Variants in DCBLD2 observed in about 807,000 individuals in gnomAD.
DCBLD2 encodes discoidin, CUB and LCCL domain-containing protein 2.
In DCBLD2, 54 loss-of-function variants were observed where a neutral mutation model predicts 86.8. The observed-to-expected ratio is 0.62, with a 90% confidence interval of 0.50 to 0.78. The LOEUF is 0.78. Among genes scored for constraint, DCBLD2 ranks in the 30% least tolerant of loss-of-function variants. The pLI, the probability that DCBLD2 is intolerant of heterozygous loss-of-function variation, is 0.00. For synonymous variants in DCBLD2, 354 were observed against 341.3 expected (o/e 1.04, Z -0.41); for missense variants, 908 against 954.2 (o/e 0.95, Z 0.64).
chr3:98,881,683 G>A lies in DCBLD2; in HGVS notation c.290C>T (p.Thr97Ile). 1 of 1,613,884 alleles carries A rather than the reference G, an allele frequency of 6.2e-7. No individual in the cohort carries two copies. The highest frequency in any genetic ancestry group is 8.5e-7 in the Non-Finnish European group (1 of 1,179,874). Residue 97 changes from threonine to isoleucine, a missense_variant, in exon 2 of 16, where the codon ACT (threonine) becomes ATT (isoleucine). Thr to Ile is a moderately conservative substitution (Grantham distance 89). Transcript: ENST00000326840. The stretch of plus-strand genomic sequence containing the variant: ...TACACGGATCTCCCATTCACAAACA[G>A]TGCTGTTGGGATAGGTCTGTGGGTA... ...INYPQTYPNS[T>I]VCEWEIRVKM...
At chr3:98,813,395 T>TA (rs1941972921) in intron 9 of DCBLD2, 1 of 152,360 alleles carries the variant, frequency 6.6e-6, no homozygotes, top group Non-Finnish European at 1.5e-5. Flanking sequence ...TAGCTGGGAT[T>TA]ACAGGTGTGC....
intron 3 of DCBLD2, among the ~76,000 whole-genome samples, chr3:98,844,059 C>CACACACACACACACAT (rs1942673504): frequency 6.6e-6 from 1 of 151,424 alleles, no homozygotes; most frequent in East Asian, 1.9e-4. Context: ...CACACACACA[C>CACACACACACACACAT]ACACCCCAAT....
At chr3:98,850,773 C>T (rs1006986381) in intron 2 of DCBLD2, among the ~76,000 whole-genome samples, 4 of 152,124 alleles carry the variant, frequency 2.6e-5, no homozygotes, top group Admixed American at 2.6e-4. Flanking sequence ...CTCTCTAGAA[C>T]TAGTAAAGAA....
chr3:98,846,568 TAA>T (rs1341351438), intron 3 of DCBLD2, among the ~76,000 whole-genome samples: 1 of 152,200 alleles, frequency 6.6e-6, no homozygotes, highest in Non-Finnish European at 1.5e-5. Context: ...ATGGATGGGA[TAA>T]AGACAGGCAA....
chr3:98,836,406 C>A (rs1942449073), intron 3 of DCBLD2, among the ~76,000 whole-genome samples: 1 of 150,768 alleles, frequency 6.6e-6, no homozygotes, highest in Non-Finnish European at 1.5e-5. Context: ...CAATTGGAAC[C>A]CATGGAAATT....
At chr3:98,859,322 C>A (rs1462475296) in intron 2 of DCBLD2, among the ~76,000 whole-genome samples, 5 of 152,166 alleles carry the variant, frequency 3.3e-5, no homozygotes, top group Non-Finnish European at 5.9e-5. Context: ...AAACAAAAGT[C>A]AGCAAAAACC....
chr3:98,800,039 A>C (rs79927395), intron 15 of DCBLD2, among the ~76,000 whole-genome samples, 198 bp from the exon 16 acceptor site: 2,389 of 152,324 alleles, frequency 0.016, 23 homozygotes, highest in Non-Finnish European at 0.023. Flanking sequence ...AATATACCAG[A>C]AAGTCTCATT....
chr3:98,900,847 A>T (rs1943834311), intron 1 of DCBLD2: 1 of 511,212 alleles, frequency 2.0e-6, no homozygotes, highest in Admixed American at 3.4e-5. Context: ...TTTCCCCAGA[A>T]GGACCTAATA....
intron 2 of DCBLD2, among the ~76,000 whole-genome samples, chr3:98,857,989 G>T (rs1182420079): frequency 6.6e-6 from 1 of 152,250 alleles, no homozygotes; most frequent in African/African-American, 2.4e-5. Flanking sequence ...TCAGCCCTTG[G>T]GTGGTCAATG....
intron 1 of DCBLD2, among the ~76,000 whole-genome samples, chr3:98,893,934 T>G (rs7617405): frequency 0.05 from 7,643 of 152,290 alleles, 234 homozygotes; most frequent in South Asian, 0.095. Flanking sequence ...GGGACTTGAT[T>G]AGCCAGACCT....
intron 3 of DCBLD2, among the ~76,000 whole-genome samples, chr3:98,831,616 C>T (rs911524051): frequency 6.6e-6 from 1 of 152,092 alleles, no homozygotes; most frequent in Non-Finnish European, 1.5e-5. Flanking sequence ...TGTAACAATG[C>T]CTTAGCTGCA....
intron 2 of DCBLD2, among the ~76,000 whole-genome samples, chr3:98,864,289 A>C (rs1317982980): frequency 6.6e-6 from 1 of 152,260 alleles, no homozygotes; most frequent in Non-Finnish European, 1.5e-5. Context: ...TGTAGAAGAC[A>C]GTGTGGCAAT....
At chr3:98,879,480 G>A (rs1389405307) in intron 2 of DCBLD2, among the ~76,000 whole-genome samples, 17 of 151,828 alleles carry the variant, frequency 1.1e-4, no homozygotes, top group East Asian at 1.9e-4. Flanking sequence ...TCCGTCTCCC[G>A]GGTTCACGCC....
In DCBLD2 at chr3:98,810,022, A is replaced by G. The variant is rs1941911034; in HGVS notation, c.1576+1172T>C. Among the ~76,000 whole-genome samples the G allele has an allele frequency of 2.6e-5, 4 of 152,320 alleles. No homozygotes were observed. In the South Asian group the frequency reaches 8.3e-4, roughly 32 times the overall value. ...AATTTATATACTACCATCCCCCTAA[A>G]AAAGAGACAGGAGGTCTCTGAGAAG... On this transcript the variant is annotated intron_variant, in intron 12 of 15. Transcript: ENST00000326840.
chr3:98,828,876 T>C (rs970009657), intron 3 of DCBLD2, among the ~76,000 whole-genome samples: 1 of 152,182 alleles, frequency 6.6e-6, no homozygotes, highest in Non-Finnish European at 1.5e-5. Flanking sequence ...TGATAAACTT[T>C]GAAAATATGC....
At chr3:98,870,760 AG>A (rs1943258167) in intron 2 of DCBLD2, among the ~76,000 whole-genome samples, 1 of 137,452 alleles carries the variant, frequency 7.3e-6, no homozygotes, top group Non-Finnish European at 1.6e-5. Flanking sequence ...AAAGAAAGAA[AG>A]AAAGAAAGAA....
chr3:98,850,131 T>C (rs1325506898), intron 2 of DCBLD2, among the ~76,000 whole-genome samples: 1 of 152,228 alleles, frequency 6.6e-6, no homozygotes, highest in Middle Eastern at 3.2e-3. Flanking sequence ...ACTCACAAGC[T>C]TAACCTTCCA....
intron 2 of DCBLD2, among the ~76,000 whole-genome samples, chr3:98,871,244 G>A (rs1041785464): frequency 6.6e-6 from 1 of 152,068 alleles, no homozygotes; most frequent in African/African-American, 2.4e-5. Flanking sequence ...GAGATAGCTT[G>A]ATTTCTCTTT....
intron 3 of DCBLD2, among the ~76,000 whole-genome samples, chr3:98,828,398 G>A (rs1942262007): frequency 6.6e-6 from 1 of 152,066 alleles, no homozygotes; most frequent in Non-Finnish European, 1.5e-5. Flanking sequence ...ACAGACAATG[G>A]ATATGAACAG....
Sources: allele counts gnomAD v4.1 joint callset (sites outside exome capture counted in the v4.1 genomes callset), GRCh38; gene constraint gnomAD v4.1.1; transcripts MANE v1.5; gene names NCBI Gene and HGNC (gene_info 2026-07-23, HGNC 2026-07-21).